The following AGBL4 variants were observed in gnomAD, a reference collection of about 807,000 sequenced individuals.
AGBL4 encodes the protein AGBL carboxypeptidase 4.
AGBL4 carries 58 observed loss-of-function variants against 66.4 expected under a neutral mutation model. The ratio of observed to expected loss-of-function variants is 0.87; its 90% CI spans 0.71 to 1.09. The LOEUF (loss-of-function observed/expected upper bound fraction) is 1.09. Ranked by LOEUF, AGBL4 falls within the 50% of genes least tolerant of loss-of-function variation. The pLI, the probability that AGBL4 is intolerant of heterozygous loss-of-function variation, is 0.00. For missense variants in AGBL4, 579 were observed against 631.0 expected, an observed-to-expected ratio of 0.92 and a Z score of 0.88; for synonymous variants, 234 against 222.9, an observed-to-expected ratio of 1.05 and a Z score of -0.44.
At position 49,172,232 on chromosome 1, in the gene AGBL4, C is replaced by T. The variant is rs924833795; in HGVS notation, c.377+73538G>A. Among the ~76,000 whole-genome samples, 2 of 152,270 alleles carry T rather than the reference C, an allele frequency of 1.3e-5. 1 individual carries two copies. The highest frequency in any genetic ancestry group is 4.1e-4 in the South Asian group (2 of 4,824). On this transcript the variant is annotated intron_variant, in intron 4 of 13. Transcript: ENST00000371839. The stretch of plus-strand genomic sequence containing the variant: ...GTTATCTTCTAGGAGCCACACTAAG[C>T]CCTGAGGATATATATTACATTGACC...
chr1:49,677,439 G>GA (rs1558154873), intron 3 of AGBL4, among the ~76,000 whole-genome samples: 2 of 151,898 alleles, frequency 1.3e-5, no homozygotes, highest in African/African-American at 2.4e-5. Flanking sequence ...TGTACCACTG[G>GA]AAAAAACCCC....
intron 4 of AGBL4, among the ~76,000 whole-genome samples, chr1:49,070,492 T>C (rs1229088953): frequency 6.6e-6 from 1 of 151,992 alleles, no homozygotes; most frequent in African/African-American, 2.4e-5. Flanking sequence ...GAGCTAATCA[T>C]GTGGTTTTTG....
At chr1:48,823,577 T>C (rs1001231116) in intron 6 of AGBL4, among the ~76,000 whole-genome samples, 4 of 152,228 alleles carry the variant, frequency 2.6e-5, no homozygotes, top group African/African-American at 7.2e-5. Context: ...CCAGCTTCAA[T>C]GCCTCCTGCT....
At chr1:49,435,046 T>G (rs1645872419) in intron 3 of AGBL4, among the ~76,000 whole-genome samples, 1 of 152,166 alleles carries the variant, frequency 6.6e-6, no homozygotes, top group South Asian at 2.1e-4. Flanking sequence ...TTTTATATGA[T>G]TAACCTTAGA....
At position 49,810,883 on chromosome 1, in the gene AGBL4, C is replaced by A. The variant is rs114896709; in HGVS notation, c.157+40513G>T. Among the ~76,000 whole-genome samples the A allele has an allele frequency of 3.7e-3, 569 of 152,160 alleles. 6 individuals carry two copies. Among genetic ancestry groups the A allele is most frequent in the African/African-American group, 0.013 (538 of 41,534 alleles). On this transcript the variant is annotated intron_variant, in intron 2 of 13. Coordinates refer to ENST00000371839, the MANE Select transcript of AGBL4 (RefSeq NM_032785.4). ...TTGAAAAGGTAGACACCTGAGGTAG[C>A]AAGCTAAATTAGGAAATTACTGCAA...
intron 9 of AGBL4, among the ~76,000 whole-genome samples, chr1:48,605,046 C>G (rs1006786032): frequency 2.0e-5 from 3 of 152,204 alleles, no homozygotes; most frequent in Admixed American, 2.0e-4. Flanking sequence ...ACCTACACAA[C>G]TTGTTTATAG....
At chr1:48,816,773 A>G (rs144388617) in intron 6 of AGBL4, among the ~76,000 whole-genome samples, 14 of 152,336 alleles carry the variant, frequency 9.2e-5, no homozygotes, top group Admixed American at 2.0e-4. Flanking sequence ...TGAATAAGAT[A>G]TGGTTCTGTC....
intron 4 of AGBL4, among the ~76,000 whole-genome samples, chr1:49,075,050 T>C (rs903821597): frequency 6.6e-6 from 1 of 152,228 alleles, no homozygotes; most frequent in Non-Finnish European, 1.5e-5. Context: ...AGAAAGGGAT[T>C]AATTCAGTTC....
intron 3 of AGBL4, among the ~76,000 whole-genome samples, chr1:49,274,870 T>C (rs897327176): frequency 6.6e-6 from 1 of 152,190 alleles, no homozygotes; most frequent in African/African-American, 2.4e-5. Context: ...ATTTAAAACA[T>C]TGCTGATTCC....
intron 5 of AGBL4, among the ~76,000 whole-genome samples, chr1:48,871,674 C>A (rs558111164): frequency 6.6e-6 from 1 of 152,110 alleles, no homozygotes; most frequent in South Asian, 2.1e-4. Context: ...CTGAGTATGA[C>A]CTCATAAGGA....
intron 6 of AGBL4, among the ~76,000 whole-genome samples, chr1:48,700,422 C>G (rs1646783490): frequency 1.3e-5 from 2 of 152,222 alleles, no homozygotes; most frequent in Admixed American, 6.5e-5. Context: ...TTTGTTCTGA[C>G]AGCAAACAAG....
intron 4 of AGBL4, among the ~76,000 whole-genome samples, chr1:49,108,331 T>G (rs900503166): frequency 1.3e-5 from 2 of 152,222 alleles, no homozygotes; most frequent in Non-Finnish European, 2.9e-5. Context: ...AAAATCCCTA[T>G]TCTTCCCTTC....
rs202214210 is a variant in AGBL4, at chr1:50,001,157, G to A, written c.34+22606C>T. Reference sequence around the variant, plus strand: ...CTGTATATGTGGTATGACCACATGTGTATATATATATATATGCACACTAAG... The same window carrying A: ...CTGTATATGTGGTATGACCACATGTATATATATATATATATGCACACTAAG... On this transcript the variant is annotated intron_variant, in intron 1 of 13. Coordinates refer to ENST00000371839, the MANE Select transcript of AGBL4 (RefSeq NM_032785.4). Among the ~76,000 whole-genome samples the A allele has an allele frequency of 4.7e-5, 7 of 148,310 alleles. No individual in the cohort carries two copies. In the East Asian group the frequency reaches 1.4e-3, roughly 29 times the overall value.
intron 3 of AGBL4, among the ~76,000 whole-genome samples, chr1:49,593,758 A>G (rs1489401242): frequency 6.6e-6 from 1 of 152,196 alleles, no homozygotes; most frequent in Non-Finnish European, 1.5e-5. Flanking sequence ...AATTAAGTAA[A>G]AAACTTTGTT....
chr1:49,966,061 C>A (rs1657536447), intron 1 of AGBL4, among the ~76,000 whole-genome samples: 1 of 151,752 alleles, frequency 6.6e-6, no homozygotes, highest in South Asian at 2.1e-4. Flanking sequence ...CCTGCCTCAG[C>A]CTACCAAGTA....
intron 11 of AGBL4, among the ~76,000 whole-genome samples, chr1:48,573,887 A>G (rs917432045): frequency 2.0e-5 from 3 of 152,160 alleles, no homozygotes; most frequent in African/African-American, 7.2e-5. Context: ...TTTTGCTTCC[A>G]TCTACTCAAA....
At chr1:49,836,414 T>C (rs915505119) in intron 2 of AGBL4, among the ~76,000 whole-genome samples, 3 of 152,246 alleles carry the variant, frequency 2.0e-5, no homozygotes, top group African/African-American at 7.2e-5. Flanking sequence ...TCCTGTGTTT[T>C]TCAGCTCCAT....
chr1:49,958,384 T>C (rs1267196066), intron 1 of AGBL4, among the ~76,000 whole-genome samples: 1 of 151,962 alleles, frequency 6.6e-6, no homozygotes, highest in Non-Finnish European at 1.5e-5. Flanking sequence ...TTCTCTGTAT[T>C]TCCTGAATTT....
At chr1:49,456,656 A>C (rs1646396583) in intron 3 of AGBL4, among the ~76,000 whole-genome samples, 1 of 151,442 alleles carries the variant, frequency 6.6e-6, no homozygotes, top group Admixed American at 6.6e-5. Flanking sequence ...AATTTCCGAG[A>C]TTTTGGTGCA....
Sources: gnomAD v4.1 joint callset for allele counts (sites outside exome capture counted in the v4.1 genomes callset) on GRCh38, gnomAD v4.1.1 for gene constraint, MANE v1.5 for transcripts, NCBI Gene and HGNC (gene_info 2026-07-23, HGNC 2026-07-21) for gene names.